PABPC4L: variants seen among roughly 807,000 people sequenced by gnomAD.
PABPC4L encodes the protein poly(A) binding protein cytoplasmic 4 like.
For missense variants in PABPC4L, 452 were observed against 451.4 expected (o/e 1.00, Z -0.01); for synonymous variants, 169 against 164.1 (o/e 1.03, Z -0.23).
At chr4:134,067,994 T>C in the PABPC4L span, among the ~76,000 whole-genome samples, 2 of 152,126 alleles carry the variant, frequency 1.3e-5, no homozygotes, top group African/African-American at 2.4e-5. Flanking sequence ...ATGTATATTT[T>C]GTTGGTTTGG....
chr4:134,020,949 T>C, the PABPC4L span, among the ~76,000 whole-genome samples: 1 of 152,060 alleles, frequency 6.6e-6, no homozygotes, highest in South Asian at 2.1e-4. Flanking sequence ...TCCTCACAAG[T>C]CCTAACTAAC....
At chr4:134,097,502 A>G in the PABPC4L span, among the ~76,000 whole-genome samples, 2 of 151,836 alleles carry the variant, frequency 1.3e-5, no homozygotes, top group Admixed American at 6.6e-5. Flanking sequence ...CAGAGAAACA[A>G]AACCCTGATG....
At chr4:133,956,308 T>A in the PABPC4L span, among the ~76,000 whole-genome samples, 1 of 152,212 alleles carries the variant, frequency 6.6e-6, no homozygotes. Flanking sequence ...AGTTATATTT[T>A]GAAGAAACAA....
At chr4:134,185,873 G>C in the PABPC4L span, among the ~76,000 whole-genome samples, 7 of 152,220 alleles carry the variant, frequency 4.6e-5, no homozygotes, top group East Asian at 1.4e-3. Context: ...AAAATCACAA[G>C]CATTCCTATA....
chr4:134,182,783 A>C, the PABPC4L span, among the ~76,000 whole-genome samples: 2 of 152,046 alleles, frequency 1.3e-5, no homozygotes, highest in Non-Finnish European at 2.9e-5. Context: ...ACCCCATTAA[A>C]AGATGGGCAA....
At chr4:134,022,816 T>C in the PABPC4L span, among the ~76,000 whole-genome samples, 1 of 152,030 alleles carries the variant, frequency 6.6e-6, no homozygotes, top group African/African-American at 2.4e-5. Flanking sequence ...TTTCCCCATA[T>C]ATGCAGGAGT....
At chr4:133,963,873 T>C in the PABPC4L span, among the ~76,000 whole-genome samples, 28 of 151,648 alleles carry the variant, frequency 1.8e-4, no homozygotes, top group Admixed American at 6.6e-5. Flanking sequence ...ATCAAAAGAC[T>C]GAAAAAGCAC....
At chr4:133,976,014 C>G in the PABPC4L span, among the ~76,000 whole-genome samples, 1 of 152,090 alleles carries the variant, frequency 6.6e-6, no homozygotes, top group East Asian at 1.9e-4. Context: ...AGGTTTGTTA[C>G]ATAGGTAAAT....
At chr4:134,158,016 T>C in the PABPC4L span, among the ~76,000 whole-genome samples, 1 of 151,952 alleles carries the variant, frequency 6.6e-6, no homozygotes, top group Non-Finnish European at 1.5e-5. Flanking sequence ...ATAATGGCTA[T>C]ATTTATAACA....
At chr4:134,146,139 T>G in the PABPC4L span, among the ~76,000 whole-genome samples, 1 of 151,976 alleles carries the variant, frequency 6.6e-6, no homozygotes, top group Non-Finnish European at 1.5e-5. Context: ...TGAACAAAAT[T>G]CTGATACTTT....
the PABPC4L span, among the ~76,000 whole-genome samples, chr4:134,147,745 GTGTGTGT>G: frequency 2.5e-5 from 2 of 80,728 alleles, no homozygotes; most frequent in African/African-American, 1.5e-4. Flanking sequence ...GTGTGTGTGT[GTGTGTGT>G]TGTTGTTGTT....
the PABPC4L span, among the ~76,000 whole-genome samples, chr4:134,156,663 G>A: frequency 6.6e-6 from 1 of 151,762 alleles, no homozygotes; most frequent in African/African-American, 2.4e-5. Flanking sequence ...TTGGGTACCT[G>A]TTAATAAATA....
the PABPC4L span, among the ~76,000 whole-genome samples, chr4:134,188,674 C>T: frequency 6.6e-6 from 1 of 152,002 alleles, no homozygotes. Context: ...TTACTAAGAA[C>T]TCAGTTACTC....
At chr4:134,144,694 T>G in the PABPC4L span, among the ~76,000 whole-genome samples, 61 of 151,822 alleles carry the variant, frequency 4.0e-4, 2 homozygotes, top group East Asian at 0.011. Flanking sequence ...TTTTCTATTA[T>G]ACTCGGGACC....
At chr4:134,091,374 A>C in the PABPC4L span, among the ~76,000 whole-genome samples, 3 of 151,916 alleles carry the variant, frequency 2.0e-5, no homozygotes, top group South Asian at 2.1e-4. Flanking sequence ...CCGGAGATTT[A>C]AAATGCTTTC....
the PABPC4L span, among the ~76,000 whole-genome samples, chr4:133,984,902 T>G: frequency 6.6e-6 from 1 of 151,878 alleles, no homozygotes. Flanking sequence ...AGAAAAGAAT[T>G]AGTAGTAGGA....
chr4:134,087,593 G>A, the PABPC4L span, among the ~76,000 whole-genome samples: 51 of 152,256 alleles, frequency 3.3e-4, no homozygotes, highest in African/African-American at 1.2e-3. Flanking sequence ...TCACAGACAA[G>A]GACTCAAGCC....
chr4:133,950,838 A>G, the PABPC4L span, among the ~76,000 whole-genome samples: 5 of 152,198 alleles, frequency 3.3e-5, no homozygotes, highest in South Asian at 4.1e-4. Context: ...TGCTGGAAGC[A>G]AGAGGCTACT....
At chr4:134,045,673 G>T in the PABPC4L span, among the ~76,000 whole-genome samples, 1 of 152,048 alleles carries the variant, frequency 6.6e-6, no homozygotes, top group Non-Finnish European at 1.5e-5. Flanking sequence ...GTTCTTTTGT[G>T]AGAGCCCATG....
Sources: allele counts gnomAD v4.1 joint callset (sites outside exome capture counted in the v4.1 genomes callset), GRCh38; gene constraint gnomAD v4.1.1; transcripts MANE v1.5; gene names NCBI Gene and HGNC (gene_info 2026-07-23, HGNC 2026-07-21).